Variants in CDIN1 observed in about 807,000 individuals in gnomAD.
The protein encoded by CDIN1 is CDAN1 interacting nuclease 1.
A neutral mutation model predicts 45.3 loss-of-function variants in CDIN1; 33 were observed. The ratio of observed to expected loss-of-function variants is 0.73; its 90% CI spans 0.55 to 0.97. CDIN1 has a LOEUF of 0.97. Ranked by LOEUF, CDIN1 falls within the 50% of genes least tolerant of loss-of-function variation. The pLI, the probability that CDIN1 is intolerant of heterozygous loss-of-function variation, is 0.00. For synonymous variants in CDIN1, 118 were observed against 124.4 expected (o/e 0.95, Z 0.34); for missense variants, 303 against 339.4 (o/e 0.89, Z 0.84).
intron 3 of CDIN1, among the ~76,000 whole-genome samples, chr15:36,648,269 T>A (rs1233714372): frequency 6.6e-6 from 1 of 152,128 alleles, no homozygotes; most frequent in Non-Finnish European, 1.5e-5. Flanking sequence ...TAAGCAATTG[T>A]GAATCCTGAG....
At chr15:36,697,443 A>G in intron 8 of CDIN1, 53 bp downstream of exon 8, 2 of 1,384,100 alleles carry the variant, frequency 1.4e-6, no homozygotes, top group South Asian at 2.6e-5. Context: ...GAGTGCTTAA[A>G]TATATATTTT....
At chr15:36,639,741 G>A (rs1269480356) in intron 1 of CDIN1, among the ~76,000 whole-genome samples, 3 of 152,162 alleles carry the variant, frequency 2.0e-5, no homozygotes, top group East Asian at 3.8e-4. Flanking sequence ...GCCATTTTAT[G>A]TAAGTGACTT....
At chr15:36,721,186 A>G (rs554109179) in intron 10 of CDIN1, among the ~76,000 whole-genome samples, 1 of 152,188 alleles carries the variant, frequency 6.6e-6, no homozygotes, top group South Asian at 2.1e-4. Context: ...CCTTTGTCAG[A>G]TGGGTAGATT....
chr15:36,600,220 G>A (rs866558923), intron 1 of CDIN1, among the ~76,000 whole-genome samples: 2 of 152,152 alleles, frequency 1.3e-5, no homozygotes, highest in African/African-American at 2.4e-5. Context: ...TACATCCCTA[G>A]AGAGAAAAAC....
In CDIN1 at chr15:36,702,103, C is replaced by G. The variant is rs202108626; in HGVS notation, c.544+4713C>G. On this transcript the variant is annotated intron_variant, in intron 8 of 10. Coordinates refer to ENST00000566621, the MANE Select transcript of CDIN1 (RefSeq NM_001321759.2). Reference sequence around the variant, plus strand: ...ATGTCAGTGGCAGAGAGTAAGAGACCAGAAATGGAACATACGATTATGTAG... The same window carrying G: ...ATGTCAGTGGCAGAGAGTAAGAGACGAGAAATGGAACATACGATTATGTAG... 7 of 701,938 alleles carry G rather than the reference C, an allele frequency of 1.0e-5. No homozygotes were observed. The Admixed American group carries it at 1.4e-4, about 14-fold the overall frequency. The allele number at this position is 701,938 out of a possible 1,614,324, so 43.5% of individuals were successfully genotyped here.
At position 36,692,541 on chromosome 15, in the gene CDIN1, C is replaced by T. The variant is rs8043361; in HGVS notation, c.476+366C>T. Among the ~76,000 whole-genome samples the T allele has an allele frequency of 7.0e-3, 1,070 of 152,150 alleles. 10 individuals are homozygous for T. The highest frequency in any genetic ancestry group is 0.024 in the African/African-American group (1,014 of 41,508). ...TAACAAATTTCCATTTAAAATGAGC[C>T]AAATTTTGTTGAATTTACGAGAATA... On this transcript the variant is annotated intron_variant, in intron 7 of 10. Transcript: ENST00000566621.
At chr15:36,680,833 G>A (rs555745328) in intron 5 of CDIN1, among the ~76,000 whole-genome samples, 2 of 152,268 alleles carry the variant, frequency 1.3e-5, no homozygotes, top group African/African-American at 4.8e-5. Context: ...TTGTGGGGTT[G>A]GGTCCAAATT....
At chr15:36,665,448 A>G (rs2041212073) in intron 5 of CDIN1, among the ~76,000 whole-genome samples, 1 of 152,232 alleles carries the variant, frequency 6.6e-6, no homozygotes, top group Admixed American at 6.5e-5. Flanking sequence ...CCTGCTTACT[A>G]TAGAAAACCT....
At chr15:36,689,289 C>A (rs1458325011) in intron 5 of CDIN1, among the ~76,000 whole-genome samples, 1 of 151,944 alleles carries the variant, frequency 6.6e-6, no homozygotes, top group Non-Finnish European at 1.5e-5. Context: ...GGAGTATTGT[C>A]CCTTTTCTTT....
chr15:36,729,547 T>G (rs896917925), intron 10 of CDIN1, among the ~76,000 whole-genome samples: 1 of 152,222 alleles, frequency 6.6e-6, no homozygotes, highest in African/African-American at 2.4e-5. Flanking sequence ...AAATGATAAA[T>G]ATGCCTTTGT....
intron 1 of CDIN1, among the ~76,000 whole-genome samples, chr15:36,595,293 T>TAATA (rs1226874530): frequency 3.0e-5 from 1 of 33,592 alleles, no homozygotes; most frequent in Non-Finnish European, 5.8e-5. Flanking sequence ...ACTTACATTA[T>TAATA]AATATAATAT....
intron 10 of CDIN1, among the ~76,000 whole-genome samples, chr15:36,788,064 A>G (rs2054535945): frequency 7.5e-6 from 1 of 133,818 alleles, no homozygotes; most frequent in Non-Finnish European, 1.6e-5. Flanking sequence ...CAATATGACG[A>G]TAATTTTATA....
chr15:36,615,331 C>G (rs527771345), intron 1 of CDIN1, among the ~76,000 whole-genome samples: 2 of 152,250 alleles, frequency 1.3e-5, no homozygotes, highest in South Asian at 2.1e-4. Context: ...AGGTGTACAT[C>G]CTGCAGCTTA....
Position 36,711,597 on chromosome 15 carries a change from C to T in CDIN1, c.716+1636C>T, listed in dbSNP as rs536523661. On this transcript the variant is annotated intron_variant, in intron 10 of 10. Transcript: ENST00000566621. ...CACTTTGTTGCATTCTACTTTTACCCTTCTGGTGATGTTTTACTTAGACTA... is the reference window on the plus strand; with the variant it reads ...CACTTTGTTGCATTCTACTTTTACCTTTCTGGTGATGTTTTACTTAGACTA... Among the ~76,000 whole-genome samples, 4 of 152,246 alleles carry T rather than the reference C, an allele frequency of 2.6e-5. No homozygotes were observed. In the South Asian group the frequency reaches 8.3e-4, roughly 32 times the overall value.
At chr15:36,598,052 G>T (rs1237921927) in intron 1 of CDIN1, among the ~76,000 whole-genome samples, 1 of 152,178 alleles carries the variant, frequency 6.6e-6, no homozygotes, top group East Asian at 1.9e-4. Flanking sequence ...ATGCAGTGGT[G>T]CAATGTCAGC....
intron 10 of CDIN1, among the ~76,000 whole-genome samples, chr15:36,771,949 T>G: frequency 6.9e-6 from 1 of 145,924 alleles, no homozygotes; most frequent in Admixed American, 6.9e-5. Flanking sequence ...AAAAAGAAGA[T>G]AGACTCACAC....
At chr15:36,726,371 C>T (rs140437185) in intron 10 of CDIN1, among the ~76,000 whole-genome samples, 138 of 152,258 alleles carry the variant, frequency 9.1e-4, no homozygotes, top group African/African-American at 3.2e-3. Flanking sequence ...TCATTCAGAT[C>T]AGACCTCTTA....
intron 7 of CDIN1, 86 bp from the exon 8 acceptor site, chr15:36,697,237 T>C: frequency 1.9e-6 from 2 of 1,059,972 alleles, no homozygotes; most frequent in Non-Finnish European, 2.9e-6. Context: ...AGGGTGAAAA[T>C]GGCTGCTCAA....
intron 4 of CDIN1, 29 bp from the exon 5 acceptor site, chr15:36,657,804 T>A: frequency 6.3e-7 from 1 of 1,579,978 alleles, no homozygotes; most frequent in African/African-American, 1.4e-5. Flanking sequence ...AACTTGATAG[T>A]TTTAATTTTC....
Sources: allele counts gnomAD v4.1 joint callset (sites outside exome capture counted in the v4.1 genomes callset), GRCh38; gene constraint gnomAD v4.1.1; transcripts MANE v1.5; gene names NCBI Gene and HGNC (gene_info 2026-07-23, HGNC 2026-07-21).